Variants in IGSF10 observed in about 807,000 individuals in gnomAD.
The protein encoded by IGSF10 is calvaria mechanical force protein 608.
IGSF10 carries 126 observed loss-of-function variants against 128.2 expected under a neutral mutation model. The observed-to-expected ratio is 0.98, with a 90% confidence interval of 0.85 to 1.14. The LOEUF is 1.14. IGSF10 is among the 50% of genes most tolerant of loss of function. The pLI, the probability that IGSF10 is intolerant of heterozygous loss-of-function variation, is 0.00. For missense variants in IGSF10, 3,295 were observed against 3,149.8 expected (o/e 1.05, Z -1.10); for synonymous variants, 1,185 against 1,146.2 (o/e 1.03, Z -0.68).
chr3:151,466,601 TAG>T, the IGSF10 span, among the ~76,000 whole-genome samples: 2 of 152,126 alleles, frequency 1.3e-5, no homozygotes, highest in African/African-American at 4.8e-5. Context: ...TTGTTCGAGA[TAG>T]AGTCTCACTC....
the IGSF10 span, among the ~76,000 whole-genome samples, chr3:151,499,244 T>C: frequency 6.6e-6 from 1 of 152,176 alleles, no homozygotes; most frequent in African/African-American, 2.4e-5. Context: ...TAAAAAAGTC[T>C]TGCCAGTGGT....
chr3:151,505,205 G>T, the IGSF10 span, among the ~76,000 whole-genome samples: 1 of 152,180 alleles, frequency 6.6e-6, no homozygotes, highest in Non-Finnish European at 1.5e-5. Context: ...TCACAGTTCT[G>T]CATGGCCGGG....
At chr3:151,613,462 G>A in the IGSF10 span, among the ~76,000 whole-genome samples, 1 of 152,096 alleles carries the variant, frequency 6.6e-6, no homozygotes, top group African/African-American at 2.4e-5. Flanking sequence ...GCATGGTACT[G>A]GTACCAAAAC....
chr3:151,568,019 C>T, the IGSF10 span, among the ~76,000 whole-genome samples: 1 of 152,158 alleles, frequency 6.6e-6, no homozygotes, highest in African/African-American at 2.4e-5. Context: ...AACAAAGCCT[C>T]TCTCTCTGTT....
At chr3:151,594,990 A>G in the IGSF10 span, among the ~76,000 whole-genome samples, 1 of 152,016 alleles carries the variant, frequency 6.6e-6, no homozygotes, top group South Asian at 2.1e-4. Context: ...AGACATAAAA[A>G]TGACCACTAG....
At chr3:151,582,318 T>A in the IGSF10 span, among the ~76,000 whole-genome samples, 4 of 132,708 alleles carry the variant, frequency 3.0e-5, no homozygotes, top group African/African-American at 1.1e-4. Context: ...AAGCACAAAT[T>A]CTAAGTGAAA....
rs761339400 is a variant in IGSF10 at position 151,445,178 on chromosome 3, G to A, written c.4803C>T (p.Ser1601=). 1.2e-5 allele frequency: 20 copies of A among 1,614,102 alleles called. No homozygotes were observed. Among genetic ancestry groups the A allele is most frequent in the South Asian group, 6.6e-5 (6 of 91,090 alleles). The change falls in exon 6 of 8, where the codon TCC becomes TCT. Residue 1601 remains serine (S), a synonymous_variant. Coordinates refer to ENST00000282466, the MANE Select transcript of IGSF10 (RefSeq NM_178822.5). Reference sequence around the variant, plus strand: ...AATCTGAAACAAGAGTGGTGGCCTCGGACAGGCCTGTAGTAGCCAACATGC... The same window carrying A: ...AATCTGAAACAAGAGTGGTGGCCTCAGACAGGCCTGTAGTAGCCAACATGC... ...EVSMLATTGL[S]EATTLVSDWD... is the part of the protein sequence containing the mutation.
the IGSF10 span, among the ~76,000 whole-genome samples, chr3:151,528,104 A>C: frequency 6.6e-6 from 1 of 152,182 alleles, no homozygotes; most frequent in Non-Finnish European, 1.5e-5. Context: ...ATGCTGATTA[A>C]ATGCAATGAT....
At chr3:151,521,924 C>T in the IGSF10 span, among the ~76,000 whole-genome samples, 7 of 151,528 alleles carry the variant, frequency 4.6e-5, no homozygotes, top group African/African-American at 1.5e-4. Context: ...CAAGAGTTGG[C>T]TTTTTGAAAA....
At chr3:151,529,498 T>C in the IGSF10 span, among the ~76,000 whole-genome samples, 2 of 152,224 alleles carry the variant, frequency 1.3e-5, no homozygotes, top group African/African-American at 4.8e-5. Flanking sequence ...GGATGAAGCT[T>C]CCAGAGGAAG....
the IGSF10 span, among the ~76,000 whole-genome samples, chr3:151,530,798 G>T: frequency 1.6e-4 from 25 of 152,036 alleles, no homozygotes; most frequent in Admixed American, 6.6e-5. Context: ...ATGAAGAAAC[G>T]GCATCAACTA....
the IGSF10 span, among the ~76,000 whole-genome samples, chr3:151,475,133 G>A: frequency 6.6e-6 from 1 of 152,122 alleles, no homozygotes; most frequent in Non-Finnish European, 1.5e-5. Context: ...GCCATCCATT[G>A]AGAGTTAATA....
chr3:151,446,285 A>G lies in IGSF10; in HGVS notation c.3696T>C (p.Ala1232=). The G allele has an allele frequency of 6.2e-7, 1 of 1,614,096 alleles. No individual in the cohort carries two copies. Among genetic ancestry groups the G allele is most frequent in the South Asian group, 1.1e-5 (1 of 91,086 alleles). ...QHKVSLQKST[A]VMLPKTSPAL... The stretch of plus-strand genomic sequence containing the variant: ...CAGGAGATGTTTTAGGAAGCATCAC[A>G]GCTGTGCTTTTTTGTAAACTAACTT... The change falls in exon 6 of 8, where the codon GCT becomes GCC. Residue 1232 remains alanine (A), a synonymous_variant. Coordinates refer to ENST00000282466, the MANE Select transcript of IGSF10 (RefSeq NM_178822.5).
the IGSF10 span, among the ~76,000 whole-genome samples, chr3:151,494,160 T>G: frequency 6.6e-6 from 1 of 152,080 alleles, no homozygotes; most frequent in Admixed American, 6.6e-5. Context: ...CTTTTAAAAT[T>G]TTATTTCTTG....
upstream of IGSF10, among the ~76,000 whole-genome samples, chr3:151,463,200 G>A (rs1297372883): frequency 6.6e-6 from 1 of 152,096 alleles, no homozygotes; most frequent in Non-Finnish European, 1.5e-5. Flanking sequence ...GCTCTTCTCT[G>A]ACGTATTTTC....
the IGSF10 span, among the ~76,000 whole-genome samples, chr3:151,469,499 G>T: frequency 1.3e-5 from 2 of 152,000 alleles, no homozygotes; most frequent in Non-Finnish European, 2.9e-5. Context: ...AGTTAAAAGG[G>T]CATGTAAACC....
chr3:151,486,999 G>A, the IGSF10 span, among the ~76,000 whole-genome samples: 1 of 45,040 alleles, frequency 2.2e-5, no homozygotes, highest in African/African-American at 1.2e-4. Context: ...CAGAACTGAA[G>A]GAGATAGACA....
At chr3:151,472,082 A>G in the IGSF10 span, among the ~76,000 whole-genome samples, 1 of 152,228 alleles carries the variant, frequency 6.6e-6, no homozygotes, top group African/African-American at 2.4e-5. Flanking sequence ...AAATGATCCA[A>G]TTATGAAAAA....
chr3:151,441,828 A>T (rs9810389), intron 7 of IGSF10, among the ~76,000 whole-genome samples: 2 of 151,590 alleles, frequency 1.3e-5, no homozygotes, highest in African/African-American at 4.8e-5. Flanking sequence ...TTGGGAGGCT[A>T]AGGCGGGCAG....
Sources: allele counts gnomAD v4.1 joint callset (sites outside exome capture counted in the v4.1 genomes callset), GRCh38; gene constraint gnomAD v4.1.1; transcripts MANE v1.5; gene names NCBI Gene and HGNC (gene_info 2026-07-23, HGNC 2026-07-21).